KCTD16: variants seen among roughly 807,000 people sequenced by gnomAD.
The protein encoded by KCTD16 is BTB/POZ domain-containing protein KCTD16.
Under a neutral mutation model 33.2 loss-of-function variants are expected in KCTD16, and 13 were observed. The ratio of observed to expected loss-of-function variants is 0.39; its 90% CI spans 0.25 to 0.62. The LOEUF is 0.62. Among genes scored for constraint, KCTD16 ranks in the 20% least tolerant of loss-of-function variants. The pLI is 0.50. For missense variants in KCTD16, 441 were observed against 525.1 expected, an observed-to-expected ratio of 0.84 and a Z score of 1.57; for synonymous variants, 197 against 195.3, an observed-to-expected ratio of 1.01 and a Z score of -0.07.
intron 3 of KCTD16, among the ~76,000 whole-genome samples, chr5:144,359,793 T>C (rs1751662976): frequency 6.6e-6 from 1 of 151,996 alleles, no homozygotes; most frequent in South Asian, 2.1e-4. Context: ...AACCCTGATA[T>C]AGAATCAGGA....
At chr5:144,401,251 C>T (rs1213331182) in intron 3 of KCTD16, among the ~76,000 whole-genome samples, 2 of 152,064 alleles carry the variant, frequency 1.3e-5, no homozygotes, top group African/African-American at 4.8e-5. Flanking sequence ...CAGCACCAAT[C>T]ATATGAAATT....
chr5:144,352,810 T>C (rs1361512715), intron 3 of KCTD16, among the ~76,000 whole-genome samples: 2 of 152,190 alleles, frequency 1.3e-5, no homozygotes, highest in Non-Finnish European at 2.9e-5. Context: ...ATGATCTGAG[T>C]TGGCACTAAT....
chr5:144,384,127 G>A (rs1752274439), intron 3 of KCTD16: 1 of 152,136 alleles, frequency 6.6e-6, no homozygotes, highest in Admixed American at 6.6e-5. Flanking sequence ...AAATGGGAGA[G>A]GATTTAAGAT....
intron 3 of KCTD16, among the ~76,000 whole-genome samples, chr5:144,256,956 C>A (rs1461705122): frequency 1.3e-5 from 2 of 152,202 alleles, no homozygotes; most frequent in East Asian, 1.9e-4. Context: ...AACTGTCTTT[C>A]TGAGAGGGGA....
chr5:144,366,739 C>CCATATATGAGCTG (rs777200357), intron 3 of KCTD16, among the ~76,000 whole-genome samples: 3 of 152,132 alleles, frequency 2.0e-5, no homozygotes, highest in Admixed American at 2.0e-4. Context: ...CCAAGATCAG[C>CCATATATGAGCTG]CATATATGAG....
chr5:144,256,122 T>G (rs1022894138), intron 3 of KCTD16, among the ~76,000 whole-genome samples: 1 of 152,206 alleles, frequency 6.6e-6, no homozygotes, highest in Non-Finnish European at 1.5e-5. Flanking sequence ...TTTTCTGGGT[T>G]TGAATACAGG....
chr5:144,368,343 G>A (rs1751885993), intron 3 of KCTD16, among the ~76,000 whole-genome samples: 1 of 152,166 alleles, frequency 6.6e-6, no homozygotes, highest in African/African-American at 2.4e-5. Flanking sequence ...AGGAGAGAAA[G>A]TCAGAGAGGT....
chr5:144,444,536 GT>G (rs1000532763), intron 3 of KCTD16, among the ~76,000 whole-genome samples: 13 of 151,582 alleles, frequency 8.6e-5, no homozygotes, highest in Middle Eastern at 3.4e-3. Context: ...CCTCAATAAT[GT>G]TTTTTTTAAA....
At chr5:144,241,268 C>T (rs574794138) in intron 3 of KCTD16, among the ~76,000 whole-genome samples, 1 of 152,244 alleles carries the variant, frequency 6.6e-6, no homozygotes, top group East Asian at 1.9e-4. Context: ...TACTCATGTT[C>T]TCAAAACATT....
At chr5:144,437,120 G>A (rs755580718) in intron 3 of KCTD16, among the ~76,000 whole-genome samples, 7 of 152,078 alleles carry the variant, frequency 4.6e-5, no homozygotes, top group Non-Finnish European at 8.8e-5. Flanking sequence ...AACAGGCTAG[G>A]CCACAGGTAT....
At chr5:144,421,734 A>AC (rs1431428870) in intron 3 of KCTD16, among the ~76,000 whole-genome samples, 1 of 152,152 alleles carries the variant, frequency 6.6e-6, no homozygotes, top group Non-Finnish European at 1.5e-5. Context: ...CCTAGCATGG[A>AC]CATTGATTGT....
intron 3 of KCTD16, among the ~76,000 whole-genome samples, chr5:144,391,196 T>G (rs557798622): frequency 6.6e-6 from 1 of 152,336 alleles, no homozygotes; most frequent in African/African-American, 2.4e-5. Context: ...CTTGAATAAA[T>G]GTGTTCATAG....
intron 3 of KCTD16, among the ~76,000 whole-genome samples, chr5:144,314,063 A>G (rs1011944062): frequency 1.3e-5 from 2 of 152,170 alleles, no homozygotes; most frequent in South Asian, 4.1e-4. Flanking sequence ...GAGGCACTAT[A>G]TAGCTAAACC....
intron 3 of KCTD16, among the ~76,000 whole-genome samples, chr5:144,393,463 G>A (rs1392508826): frequency 6.6e-6 from 1 of 152,118 alleles, no homozygotes; most frequent in Non-Finnish European, 1.5e-5. Context: ...TTCTAGCCCT[G>A]TGTCATACTA....
At chr5:144,410,258 C>G (rs548409014) in intron 3 of KCTD16, among the ~76,000 whole-genome samples, 18 of 152,316 alleles carry the variant, frequency 1.2e-4, no homozygotes, top group African/African-American at 4.3e-4. Context: ...TTAGTGCCTT[C>G]TCAAACAAAA....
At chr5:144,403,119 G>T (rs1050222036) in intron 3 of KCTD16, among the ~76,000 whole-genome samples, 1 of 151,940 alleles carries the variant, frequency 6.6e-6, no homozygotes, top group Non-Finnish European at 1.5e-5. Context: ...TGATTACATC[G>T]GGCACACCTG....
intron 3 of KCTD16, among the ~76,000 whole-genome samples, chr5:144,225,729 T>G (rs1753912091): frequency 6.6e-6 from 1 of 152,202 alleles, no homozygotes; most frequent in Non-Finnish European, 1.5e-5. Flanking sequence ...AGGGTACATT[T>G]AAGCATGAAA....
intron 3 of KCTD16, among the ~76,000 whole-genome samples, chr5:144,357,112 TTACAACTTCTTATACTCTTATAGG>T (rs869056761): frequency 1.1e-5 from 1 of 93,888 alleles, no homozygotes; most frequent in Non-Finnish European, 2.8e-5. Flanking sequence ...CTCTTATAGG[TTACAACTTCTTATACTCTTATAGG>T]TTGCCAACTT....
intron 3 of KCTD16, among the ~76,000 whole-genome samples, chr5:144,436,039 T>C (rs1053834853): frequency 4.6e-5 from 7 of 152,210 alleles, no homozygotes; most frequent in Non-Finnish European, 8.8e-5. Flanking sequence ...GTTGTGCTTG[T>C]AGGAGCATAT....
Sources: allele counts gnomAD v4.1 joint callset (sites outside exome capture counted in the v4.1 genomes callset), GRCh38; gene constraint gnomAD v4.1.1; transcripts MANE v1.5; gene names NCBI Gene and HGNC (gene_info 2026-07-23, HGNC 2026-07-21).